The following EYS variants were observed in gnomAD, a reference collection of about 807,000 sequenced individuals.
EYS encodes the protein EGF-like photoreceptor maintenance factor.
Under a neutral mutation model 282.1 loss-of-function variants are expected in EYS, and 250 were observed. That is an observed-to-expected ratio of 0.89 (90% confidence interval 0.80 to 0.98). The LOEUF (loss-of-function observed/expected upper bound fraction) is 0.98. Among genes scored for constraint, EYS ranks in the 50% least tolerant of loss-of-function variants. The probability of loss-of-function intolerance (pLI) is 0.00; values close to 1 mark genes in which losing one functional copy is unlikely to be tolerated. For missense variants in EYS, 4,016 were observed against 3,709.0 expected, an observed-to-expected ratio of 1.08 and a Z score of -2.15; for synonymous variants, 1,355 against 1,282.9, an observed-to-expected ratio of 1.06 and a Z score of -1.20.
intron 41 of EYS, among the ~76,000 whole-genome samples, chr6:63,745,354 C>T (rs1769186769): frequency 1.3e-5 from 2 of 152,140 alleles, no homozygotes; most frequent in South Asian, 4.1e-4. Flanking sequence ...AGTGATGCAC[C>T]TATAGGCAAG....
Position 65,222,389 on chromosome 6 carries a change from G to A in EYS, c.2023+73474C>T, listed in dbSNP as rs1019428315. On this transcript the variant is annotated intron_variant, in intron 12 of 42. Coordinates refer to ENST00000503581, the MANE Select transcript of EYS (RefSeq NM_001142800.2). ...TGAATAAGTCTCATGAGAACTGATG[G>A]TTTTATAAAGGGGAGTCCCCTGCAC... Among the ~76,000 whole-genome samples, 10 of 152,258 alleles carry A rather than the reference G, an allele frequency of 6.6e-5. No individual in the cohort carries two copies. In the East Asian group the frequency reaches 1.9e-3, roughly 29 times the overall value.
At chr6:63,842,862 G>A (rs1316007009) in intron 36 of EYS, among the ~76,000 whole-genome samples, 2 of 152,158 alleles carry the variant, frequency 1.3e-5, no homozygotes, top group Admixed American at 1.3e-4. Context: ...ATTAAATAGG[G>A]AATTTTTTCC....
intron 11 of EYS, chr6:65,331,505 T>C: frequency 6.4e-6 from 6 of 942,232 alleles, no homozygotes; most frequent in Non-Finnish European, 7.6e-6. Flanking sequence ...TCTGCAACAT[T>C]TGTTGGGCTC....
intron 13 of EYS, among the ~76,000 whole-genome samples, chr6:65,012,718 G>A (rs1771912841): frequency 2.0e-5 from 3 of 151,202 alleles, no homozygotes; most frequent in African/African-American, 7.3e-5. Context: ...GTAGAGTAAA[G>A]GCAGCAAATT....
intron 12 of EYS, among the ~76,000 whole-genome samples, chr6:65,160,886 AT>A (rs1279547974): frequency 1.4e-5 from 2 of 138,546 alleles, no homozygotes; most frequent in Non-Finnish European, 3.1e-5. Flanking sequence ...CTGGTTCCCA[AT>A]TTACTATTTA....
At position 65,292,350 on chromosome 6, in the gene EYS, T is replaced by G. The variant is rs568829983; in HGVS notation, c.2023+3513A>C. Among the ~76,000 whole-genome samples, 4 of 151,834 alleles carry G rather than the reference T, an allele frequency of 2.6e-5. No homozygotes were observed. In the South Asian group the frequency reaches 8.3e-4, roughly 31 times the overall value. On this transcript the variant is annotated intron_variant, in intron 12 of 42. Coordinates refer to ENST00000503581, the MANE Select transcript of EYS (RefSeq NM_001142800.2). ...ATGAGGTCTTAACAGAATTGGTGAT[T>G]ATAAGGGCTAGGTTAATTAAATGTC...
At chr6:64,504,381 T>A (rs557050706) in intron 26 of EYS, among the ~76,000 whole-genome samples, 52 of 152,266 alleles carry the variant, frequency 3.4e-4, no homozygotes, top group African/African-American at 1.2e-3. Context: ...GGCCCAAATA[T>A]AAGAACCCAT....
At chr6:65,198,057 C>A (rs114902199) in intron 12 of EYS, among the ~76,000 whole-genome samples, 7,509 of 152,100 alleles carry the variant, frequency 0.049, 206 homozygotes, top group Middle Eastern at 0.065. Context: ...GTACAGCTCT[C>A]CAAAAATATT....
intron 29 of EYS, among the ~76,000 whole-genome samples, chr6:64,324,674 A>C (rs1436724455): frequency 1.3e-5 from 2 of 152,200 alleles, no homozygotes; most frequent in Admixed American, 6.5e-5. Context: ...AATAAGTCAA[A>C]CGATCTTTCT....
At chr6:64,387,629 C>T (rs1485228822) in intron 29 of EYS, among the ~76,000 whole-genome samples, 1 of 152,032 alleles carries the variant, frequency 6.6e-6, no homozygotes, top group Non-Finnish European at 1.5e-5. Flanking sequence ...ATAAACAAAA[C>T]ATATTTTTTA....
At chr6:64,695,705 C>T (rs1770555338) in intron 22 of EYS, among the ~76,000 whole-genome samples, 1 of 151,736 alleles carries the variant, frequency 6.6e-6, no homozygotes, top group African/African-American at 2.4e-5. Flanking sequence ...CTGCATCAGC[C>T]TCACAAGTAG....
chr6:65,212,018 AT>A (rs1334534896), intron 12 of EYS, among the ~76,000 whole-genome samples: 1 of 152,098 alleles, frequency 6.6e-6, no homozygotes, highest in African/African-American at 2.4e-5. Context: ...GGAAAACACC[AT>A]TGTGTTTACT....
At chr6:64,295,133 A>C (rs7762420) in intron 30 of EYS, among the ~76,000 whole-genome samples, 1 of 150,408 alleles carries the variant, frequency 6.6e-6, no homozygotes. Flanking sequence ...CCAGCACTTT[A>C]GGAGGCCGAA....
At chr6:63,939,095 G>A (rs893900817) in intron 35 of EYS, among the ~76,000 whole-genome samples, 1 of 151,116 alleles carries the variant, frequency 6.6e-6, no homozygotes, top group South Asian at 2.1e-4. Flanking sequence ...CAGTTTTGAA[G>A]AATACTTTTC....
At chr6:64,157,970 C>T (rs147958462) in intron 31 of EYS, among the ~76,000 whole-genome samples, 28 of 152,254 alleles carry the variant, frequency 1.8e-4, no homozygotes, top group East Asian at 1.5e-3. Context: ...CAGCTTGCAC[C>T]GTTTGGCTGG....
At chr6:65,585,453 T>C (rs1428107766) in intron 2 of EYS, among the ~76,000 whole-genome samples, 1 of 151,914 alleles carries the variant, frequency 6.6e-6, no homozygotes, top group East Asian at 1.9e-4. Context: ...TATTGATAAT[T>C]TTAAAACTAA....
At chr6:64,678,447 A>G (rs1470258351) in intron 22 of EYS, among the ~76,000 whole-genome samples, 1 of 152,022 alleles carries the variant, frequency 6.6e-6, no homozygotes, top group Admixed American at 6.5e-5. Flanking sequence ...GCATGGTGGC[A>G]CGTTCCTGTA....
At chr6:65,613,955 T>G (rs1766093655) in intron 2 of EYS, among the ~76,000 whole-genome samples, 1 of 151,970 alleles carries the variant, frequency 6.6e-6, no homozygotes, top group Admixed American at 6.5e-5. Flanking sequence ...AGTTGGAAAC[T>G]TTTGCATACT....
chr6:63,836,358 T>C (rs911686512), intron 36 of EYS, among the ~76,000 whole-genome samples: 3 of 152,026 alleles, frequency 2.0e-5, no homozygotes, highest in Non-Finnish European at 2.9e-5. Flanking sequence ...GTAAAATATT[T>C]GTCTTTTACC....
Sources: gnomAD v4.1 joint callset for allele counts (sites outside exome capture counted in the v4.1 genomes callset) on GRCh38, gnomAD v4.1.1 for gene constraint, MANE v1.5 for transcripts, NCBI Gene and HGNC (gene_info 2026-07-23, HGNC 2026-07-21) for gene names.